SAMD8: variants seen among roughly 807,000 people sequenced by gnomAD.
The protein encoded by SAMD8 is sterile alpha motif domain containing 8.
SAMD8 carries 20 observed loss-of-function variants against 42.0 expected under a neutral mutation model. That is an observed-to-expected ratio of 0.48 (90% CI 0.34 to 0.69). The LOEUF (loss-of-function observed/expected upper bound fraction) is 0.69. Ranked by LOEUF, SAMD8 falls within the 30% of genes least tolerant of loss-of-function variation. The pLI is 0.01. For synonymous variants in SAMD8, 162 were observed against 173.0 expected, an observed-to-expected ratio of 0.94 and a Z score of 0.50; for missense variants, 328 against 511.6, an observed-to-expected ratio of 0.64 and a Z score of 3.46.
intron 4 of SAMD8, among the ~76,000 whole-genome samples, chr10:75,173,663 C>A (rs971142992): frequency 6.6e-6 from 1 of 152,116 alleles, no homozygotes; most frequent in African/African-American, 2.4e-5. Context: ...AGAACCAAAC[C>A]CATGTGTATT....
rs1432410164 is a variant in SAMD8 at position 75,150,878 on chromosome 10, A to G, written c.350A>G (p.His117Arg). Residue 117 changes from histidine (H) to arginine (R), a missense_variant, in exon 2 of 6, where the codon CAT (histidine) becomes CGT (arginine). Around this residue, in one of 2 missense-constraint regions of SAMD8, gnomAD observed 150 missense variants for 186.0 expected, o/e 0.81. Transcript: ENST00000542569. Reference sequence around the variant, plus strand: ...TGGCTCTGTAATGGGGAGCTTTCCCATGACTGTGACGGACCCATAACTGAC... The same window carrying G: ...TGGCTCTGTAATGGGGAGCTTTCCCGTGACTGTGACGGACCCATAACTGAC... ...TDWLCNGELS[H>R]DCDGPITDLN... is the part of the protein sequence containing the mutation. The G allele has an allele frequency of 9.9e-6, 16 of 1,613,108 alleles. No individual in the cohort carries two copies. The highest frequency in any genetic ancestry group is 1.3e-5 in the Non-Finnish European group (15 of 1,179,526).
At chr10:75,174,430 C>CTTT (rs1159237277) in intron 4 of SAMD8, among the ~76,000 whole-genome samples, 10 of 102,756 alleles carry the variant, frequency 9.7e-5, no homozygotes, top group Non-Finnish European at 1.6e-4. Flanking sequence ...TGCCTGGCCT[C>CTTT]TTTTTTTTTT....
At chr10:75,164,225 A>G (rs1840623660) in intron 2 of SAMD8, among the ~76,000 whole-genome samples, 1 of 152,132 alleles carries the variant, frequency 6.6e-6, no homozygotes, top group Non-Finnish European at 1.5e-5. Context: ...TTCAAAAACA[A>G]CAACAACAAT....
intron 1 of SAMD8, among the ~76,000 whole-genome samples, chr10:75,123,657 C>G (rs1189009411): frequency 6.6e-6 from 1 of 151,946 alleles, no homozygotes; most frequent in Non-Finnish European, 1.5e-5. Context: ...TTACATCTTG[C>G]TAGGCTGTCT....
chr10:75,142,355 A>G (rs1182535941), intron 1 of SAMD8, among the ~76,000 whole-genome samples: 2 of 151,470 alleles, frequency 1.3e-5, no homozygotes, highest in Non-Finnish European at 2.9e-5. Flanking sequence ...GTGGATTTCC[A>G]TTTCTCCCAA....
chr10:75,115,230 T>G (rs1390776948), intron 1 of SAMD8, among the ~76,000 whole-genome samples: 2 of 152,250 alleles, frequency 1.3e-5, no homozygotes, highest in Non-Finnish European at 2.9e-5. Context: ...TTTTTGTTCT[T>G]GTTTTTGTTT....
At chr10:75,165,270 C>CA (rs1840647679) in intron 3 of SAMD8, among the ~76,000 whole-genome samples, 1 of 151,970 alleles carries the variant, frequency 6.6e-6, no homozygotes, top group Non-Finnish European at 1.5e-5. Flanking sequence ...TCCTTAGAAA[C>CA]AAACTGGAAA....
intron 1 of SAMD8, among the ~76,000 whole-genome samples, chr10:75,106,576 C>G (rs530759330): frequency 7.2e-5 from 11 of 152,292 alleles, no homozygotes; most frequent in Non-Finnish European, 1.2e-4. Context: ...GGGAAGTCCC[C>G]CCACCTTCCC....
At chr10:75,119,201 A>T (rs186666031) in intron 1 of SAMD8, among the ~76,000 whole-genome samples, 1 of 151,482 alleles carries the variant, frequency 6.6e-6, no homozygotes, top group African/African-American at 2.4e-5. Flanking sequence ...CTTGTTACTG[A>T]GGCTGGAGTG....
intron 3 of SAMD8, among the ~76,000 whole-genome samples, chr10:75,166,496 C>T (rs1171144000): frequency 6.6e-6 from 1 of 152,020 alleles, no homozygotes; most frequent in Non-Finnish European, 1.5e-5. Flanking sequence ...TTCTCCTCAC[C>T]AGGAAGTGCT....
At chr10:75,140,850 C>G (rs906089056) in intron 1 of SAMD8, among the ~76,000 whole-genome samples, 6 of 152,088 alleles carry the variant, frequency 3.9e-5, no homozygotes, top group African/African-American at 1.4e-4. Context: ...GAAAATTGTC[C>G]TCTTAACAGT....
chr10:75,138,745 G>A (rs1045598429), intron 1 of SAMD8, among the ~76,000 whole-genome samples: 5 of 152,080 alleles, frequency 3.3e-5, no homozygotes, highest in African/African-American at 1.2e-4. Flanking sequence ...GCTGAAAATT[G>A]CACTTCTTAA....
chr10:75,175,909 G>A (rs894486479), intron 4 of SAMD8, 157 bp from the exon 5 acceptor site: 7 of 985,294 alleles, frequency 7.1e-6, no homozygotes, highest in Non-Finnish European at 8.4e-6. Flanking sequence ...ACCCATTCTT[G>A]AAGTCTGGCT....
At position 75,101,425 on chromosome 10, in the gene SAMD8, G is replaced by T. The variant is rs75379732; in HGVS notation, c.-16+1697G>T. On this transcript the variant is annotated intron_variant, in intron 1 of 3. Coordinates refer to the SAMD8 transcript ENST00000447533. ...TATGTGGAGGGTAACTTCCCTACGG[G>T]ACAGTGAGATTTCTTCTCTATCTCT... is the stretch of plus-strand genomic sequence containing the variant. Among the ~76,000 whole-genome samples the T allele has an allele frequency of 2.0e-3, 309 of 152,308 alleles. 2 individuals are homozygous for T. Among genetic ancestry groups the T allele is most frequent in the African/African-American group, 5.9e-3 (244 of 41,558 alleles).
rs374105927 is a variant in SAMD8, at chr10:75,150,707, A to G, written c.179A>G (p.Lys60Arg). 2.4e-5 allele frequency: 39 copies of G among 1,614,088 alleles called. No individual in the cohort carries two copies. The highest frequency in any genetic ancestry group is 3.3e-5 in the South Asian group (3 of 91,092). Reference sequence around the variant, plus strand: ...CTCCGGTCTCCTCCTCTGGAAATCAAAGTCTTAGGGGACATTAAAAGGTTA... The same window carrying G: ...CTCCGGTCTCCTCCTCTGGAAATCAGAGTCTTAGGGGACATTAAAAGGTTA... ...YDLRSPPLEI[K>R]VLGDIKRLML... Residue 60 changes from lysine to arginine, a missense_variant, in exon 2 of 6, where the codon AAA (lysine) becomes AGA (arginine). Around this residue, in one of 2 missense-constraint regions of SAMD8, gnomAD observed 150 missense variants for 186.0 expected, o/e 0.81. Transcript: ENST00000542569.
At chr10:75,116,239 T>C (rs1341755016) in intron 1 of SAMD8, among the ~76,000 whole-genome samples, 3 of 151,996 alleles carry the variant, frequency 2.0e-5, no homozygotes, top group Admixed American at 6.6e-5. Flanking sequence ...GCTGGGACTA[T>C]AGGCGTGTGC....
rs1840272106 is a variant in SAMD8, at chr10:75,150,808, A to G, written c.280A>G (p.Met94Val). The G allele has an allele frequency of 6.2e-7, 1 of 1,614,110 alleles. No individual in the cohort carries two copies. The highest frequency in any genetic ancestry group is 8.5e-7 in the Non-Finnish European group (1 of 1,180,048). Residue 94 changes from methionine (M) to valine (V), a missense_variant, in exon 2 of 6, where the codon ATG becomes GTG. Physicochemically the swap from Met to Val is conservative, Grantham distance 21 (BLOSUM62 1). Coordinates refer to ENST00000542569, the MANE Select transcript of SAMD8 (RefSeq NM_001174156.2). ...GATGGGCTACAACAGTGACAGTCCC[A>G]TGGGTTCCATGACCCCTTTCATCAG... ...EEMGYNSDSP[M>V]GSMTPFISAL...
chr10:75,126,644 G>T (rs1220867790), intron 1 of SAMD8, among the ~76,000 whole-genome samples: 5 of 151,516 alleles, frequency 3.3e-5, no homozygotes, highest in Admixed American at 2.0e-4. Flanking sequence ...TGGGACTATA[G>T]GCACGTGCCA....
At chr10:75,170,971 G>A (rs756637477) in intron 4 of SAMD8, among the ~76,000 whole-genome samples, 3 of 151,014 alleles carry the variant, frequency 2.0e-5, no homozygotes, top group Non-Finnish European at 4.4e-5. Flanking sequence ...ATGTTGGCCA[G>A]GCTGGTCTCG....
Sources: gnomAD v4.1 joint callset for allele counts (sites outside exome capture counted in the v4.1 genomes callset) on GRCh38, gnomAD v4.1.1 for gene constraint, gnomAD v4.1.1 regional missense constraint, MANE v1.5 for transcripts, NCBI Gene and HGNC (gene_info 2026-07-23, HGNC 2026-07-21) for gene names.